Variants in HTR1E observed in about 807,000 individuals in gnomAD.
HTR1E encodes the protein 5-HT-1E.
Under a neutral mutation model 3.4 loss-of-function variants are expected in HTR1E, and 3 were observed. The ratio of observed to expected loss-of-function variants is 0.89; its 90% CI spans 0.41 to 2.31. HTR1E has a LOEUF of 2.31. Among genes scored for constraint, HTR1E ranks in the 30% most tolerant of loss-of-function variants. The pLI is 0.05. For missense variants in HTR1E, 392 were observed against 467.0 expected, an observed-to-expected ratio of 0.84 and a Z score of 1.48; for synonymous variants, 170 against 182.8, an observed-to-expected ratio of 0.93 and a Z score of 0.56.
chr6:86,975,888 TTCTC>T (rs1275612092), intron 1 of HTR1E, among the ~76,000 whole-genome samples: 1 of 146,188 alleles, frequency 6.8e-6, no homozygotes, highest in African/African-American at 2.5e-5. Context: ...AAATCTCACC[TTCTC>T]TCTTTCTCTC....
intron 1 of HTR1E, among the ~76,000 whole-genome samples, chr6:87,002,747 G>A (rs925549336): frequency 1.4e-4 from 21 of 152,138 alleles, no homozygotes; most frequent in Non-Finnish European, 2.8e-4. Flanking sequence ...CTCTAGCTAG[G>A]CAGAAAAGTT....
At chr6:86,964,382 A>T (rs1306191401) in intron 1 of HTR1E, among the ~76,000 whole-genome samples, 1 of 152,216 alleles carries the variant, frequency 6.6e-6, no homozygotes, top group Non-Finnish European at 1.5e-5. Context: ...TTAGTAAGTA[A>T]TATATATGCC....
intron 1 of HTR1E, among the ~76,000 whole-genome samples, chr6:87,008,402 AAAG>A: frequency 6.6e-6 from 1 of 152,244 alleles, no homozygotes; most frequent in Non-Finnish European, 1.5e-5. Context: ...ATAATAAAAA[AAAG>A]AAGAAATTGG....
intron 1 of HTR1E, among the ~76,000 whole-genome samples, chr6:86,958,594 G>A (rs1233783352): frequency 3.3e-5 from 5 of 152,090 alleles, no homozygotes; most frequent in South Asian, 2.1e-4. Flanking sequence ...GAGGAGAATC[G>A]AGCATTGAGT....
chr6:86,992,739 T>C (rs1394176312), intron 1 of HTR1E, among the ~76,000 whole-genome samples: 3 of 152,222 alleles, frequency 2.0e-5, no homozygotes, highest in Non-Finnish European at 4.4e-5. Flanking sequence ...ATTCTCTCTA[T>C]AAATGTGTAA....
intron 1 of HTR1E, among the ~76,000 whole-genome samples, chr6:86,951,136 A>G (rs111928969): frequency 1.3e-3 from 203 of 152,318 alleles, no homozygotes; most frequent in Non-Finnish European, 2.4e-3. Flanking sequence ...CAAAGGGCTC[A>G]TGATGCTGAT....
intron 1 of HTR1E, among the ~76,000 whole-genome samples, chr6:86,997,296 G>A (rs1767953565): frequency 6.6e-6 from 1 of 151,834 alleles, no homozygotes; most frequent in Non-Finnish European, 1.5e-5. Flanking sequence ...AGATAAAAAT[G>A]TCTGCTCTTA....
intron 1 of HTR1E, among the ~76,000 whole-genome samples, chr6:87,007,569 T>C (rs1295676513): frequency 2.0e-5 from 3 of 152,196 alleles, no homozygotes; most frequent in African/African-American, 7.2e-5. Context: ...TATGCCTGTA[T>C]CAAAATATCT....
chr6:87,009,629 T>A (rs1210076666), intron 1 of HTR1E, among the ~76,000 whole-genome samples: 1 of 146,122 alleles, frequency 6.8e-6, no homozygotes, highest in Admixed American at 6.7e-5. Context: ...CACTTCCCAG[T>A]AGGGGCGGCC....
At chr6:86,970,106 G>T (rs1767528417) in intron 1 of HTR1E, among the ~76,000 whole-genome samples, 1 of 152,186 alleles carries the variant, frequency 6.6e-6, no homozygotes, top group Non-Finnish European at 1.5e-5. Context: ...GAAAACGACT[G>T]CAACTTCTTA....
chr6:86,974,590 G>A lies in HTR1E; in HGVS notation c.-186+36767G>A, dbSNP rs183270880. Among the ~76,000 whole-genome samples, 5 of 152,280 alleles carry A rather than the reference G, an allele frequency of 3.3e-5. No individual in the cohort carries two copies. The East Asian group carries it at 9.6e-4, about 29-fold the overall frequency. On this transcript the variant is annotated intron_variant, in intron 1 of 1. Transcript: ENST00000305344. ...TGATGATTTGTTCTTATTAAATGGT[G>A]CATGATTGCAATTTGTTCTATTATT...
chr6:86,974,995 A>G (rs1405445075), intron 1 of HTR1E, among the ~76,000 whole-genome samples: 1 of 152,168 alleles, frequency 6.6e-6, no homozygotes, highest in Admixed American at 6.6e-5. Context: ...TAGTTCTACA[A>G]GGACTCCTGG....
At chr6:86,946,066 G>A (rs1045383094) in intron 1 of HTR1E, among the ~76,000 whole-genome samples, 1 of 152,130 alleles carries the variant, frequency 6.6e-6, no homozygotes, top group Non-Finnish European at 1.5e-5. Flanking sequence ...AAGTAAAAAA[G>A]TTATAGTAAG....
At chr6:86,993,254 C>G (rs1273692584) in intron 1 of HTR1E, among the ~76,000 whole-genome samples, 3 of 148,854 alleles carry the variant, frequency 2.0e-5, no homozygotes, top group Non-Finnish European at 4.4e-5. Flanking sequence ...AAAATTTTAC[C>G]AAAATAAAAA....
intron 1 of HTR1E, chr6:86,971,121 C>A: frequency 2.0e-6 from 1 of 509,954 alleles, no homozygotes; most frequent in South Asian, 1.5e-5. Context: ...AAAGACCACT[C>A]ATTTTGTAGA....
intron 1 of HTR1E, among the ~76,000 whole-genome samples, chr6:86,959,484 G>T (rs1364409130): frequency 6.6e-6 from 1 of 152,106 alleles, no homozygotes; most frequent in Non-Finnish European, 1.5e-5. Context: ...TCAGGAGGCA[G>T]AGGCATGAGA....
intron 1 of HTR1E, among the ~76,000 whole-genome samples, chr6:86,958,283 A>C (rs1030147728): frequency 2.6e-5 from 4 of 151,940 alleles, no homozygotes; most frequent in Non-Finnish European, 5.9e-5. Context: ...TGGTCTCGAT[A>C]TCCTGACCTC....
At chr6:86,976,540 A>T (rs1409183287) in intron 1 of HTR1E, among the ~76,000 whole-genome samples, 1 of 152,250 alleles carries the variant, frequency 6.6e-6, no homozygotes, top group African/African-American at 2.4e-5. Flanking sequence ...TGTTTGGAGC[A>T]TCAGTTTTGG....
At chr6:86,968,270 A>G (rs1434912382) in intron 1 of HTR1E, among the ~76,000 whole-genome samples, 1 of 152,220 alleles carries the variant, frequency 6.6e-6, no homozygotes, top group East Asian at 1.9e-4. Flanking sequence ...TATTACAAAC[A>G]ATAATTAAAT....
Sources: allele counts gnomAD v4.1 joint callset (sites outside exome capture counted in the v4.1 genomes callset), GRCh38; gene constraint gnomAD v4.1.1; transcripts MANE v1.5; gene names NCBI Gene and HGNC (gene_info 2026-07-23, HGNC 2026-07-21).